VWA8: variants seen among roughly 807,000 people sequenced by gnomAD.
VWA8 encodes von Willebrand factor A domain containing 8.
In VWA8, 221 loss-of-function variants were observed where a neutral mutation model predicts 241.5. The ratio of observed to expected loss-of-function variants is 0.91; its 90% CI spans 0.82 to 1.02. The LOEUF (loss-of-function observed/expected upper bound fraction) is 1.02, where lower values mean the gene tolerates loss of function less well. Ranked by LOEUF, VWA8 falls within the 50% of genes least tolerant of loss-of-function variation. The probability of loss-of-function intolerance (pLI) is 0.00; values close to 1 mark genes in which losing one functional copy is unlikely to be tolerated. For synonymous variants in VWA8, 852 were observed against 827.1 expected, an observed-to-expected ratio of 1.03 and a Z score of -0.52; for missense variants, 2,322 against 2,328.7, an observed-to-expected ratio of 1.00 and a Z score of 0.06.
chr13:41,881,595 G>A (rs1173947542), intron 9 of VWA8, among the ~76,000 whole-genome samples: 3 of 150,454 alleles, frequency 2.0e-5, no homozygotes, highest in East Asian at 3.9e-4. Context: ...TCCCAGACGG[G>A]GTGGTGGCCA....
rs1038338883 is a variant in VWA8, at chr13:41,830,628, C to T, written c.1601G>A (p.Arg534Gln). The T allele has an allele frequency of 4.3e-6, 7 of 1,613,060 alleles. No homozygotes were observed. Among genetic ancestry groups the T allele is most frequent in the African/African-American group, 2.7e-5 (2 of 74,820 alleles). ...AGAACCATCATAGAGGCTTAGCTCTCGATCATGGATTAACCTAACAAGATA... is the reference window on the plus strand; with the variant it reads ...AGAACCATCATAGAGGCTTAGCTCTTGATCATGGATTAACCTAACAAGATA... ...LAVLQRLIHD[R>Q]ELSLYDGSRL... The change falls in exon 14 of 45, where the codon CGA becomes CAA. Residue 534 changes from arginine (R) to glutamine (Q), a missense_variant. Transcript: ENST00000379310.
chr13:41,593,148 A>G (rs1566379977), intron 40 of VWA8, among the ~76,000 whole-genome samples: 1 of 152,222 alleles, frequency 6.6e-6, no homozygotes, highest in Non-Finnish European at 1.5e-5. Flanking sequence ...AAGAAGCACC[A>G]CACAATATAA....
intron 21 of VWA8, among the ~76,000 whole-genome samples, chr13:41,739,919 A>G (rs1452001973): frequency 7.0e-6 from 1 of 143,494 alleles, no homozygotes; most frequent in Admixed American, 7.6e-5. Flanking sequence ...CAGTGGCACA[A>G]TCTCAGCTCA....
intron 1 of VWA8, 31 bp from the exon 2 acceptor site, chr13:41,950,044 A>G (rs1215257837): frequency 1.5e-6 from 2 of 1,360,454 alleles, no homozygotes; most frequent in Non-Finnish European, 2.0e-6. Flanking sequence ...CAGAATAATT[A>G]TAAGAGACAA....
chr13:41,719,897 T>C (rs2045372142), intron 25 of VWA8, among the ~76,000 whole-genome samples, 155 bp from the exon 26 acceptor site: 1 of 152,172 alleles, frequency 6.6e-6, no homozygotes, highest in Admixed American at 6.6e-5. Flanking sequence ...TAGACATTTT[T>C]CCCTTTCAGT....
chr13:41,743,931 G>A (rs1422050454), intron 21 of VWA8, among the ~76,000 whole-genome samples: 5 of 152,194 alleles, frequency 3.3e-5, no homozygotes, highest in Non-Finnish European at 5.9e-5. Context: ...CTGCAGCAGT[G>A]ACTTCTGAAA....
chr13:41,611,546 T>G, intron 39 of VWA8, 30 bp downstream of exon 39: 1 of 1,611,692 alleles, frequency 6.2e-7, no homozygotes. Context: ...ATAGCAGTAG[T>G]GCTGGTCTAA....
chr13:41,866,406 T>TGG lies in VWA8; in HGVS notation c.1213-371_1213-370insCC, dbSNP rs554328465. On this transcript the variant is annotated intron_variant, in intron 10 of 44. Transcript: ENST00000379310. ...GTGTGTGTGCGCGTGTGTGTGTGTA[T>TGG]ATGTGTGTGTGTGTGTGTAAAACAT... 1.7e-3 allele frequency among the ~76,000 whole-genome samples: 259 copies of TGG among 151,052 alleles called. 2 individuals carry two copies. The highest frequency in any genetic ancestry group is 5.8e-3 in the African/African-American group (239 of 41,238).
intron 29 of VWA8, among the ~76,000 whole-genome samples, chr13:41,697,211 C>T (rs1013712040): frequency 6.7e-6 from 1 of 148,878 alleles, no homozygotes; most frequent in Non-Finnish European, 1.5e-5. Context: ...GTTGGTTCTA[C>T]CTTCAAAATA....
chr13:41,585,594 G>A lies in VWA8; in HGVS notation c.5271+1918C>T, dbSNP rs369472294. The stretch of plus-strand genomic sequence containing the variant: ...AAAATCTCCCTATAGGGCCAGGTGC[G>A]GTGGCTTGCGCCTGTAATCCCAGCA... On this transcript the variant is annotated intron_variant, in intron 42 of 44. Transcript: ENST00000379310. Among the ~76,000 whole-genome samples the A allele has an allele frequency of 3.3e-5, 5 of 152,240 alleles. No homozygotes were observed. The East Asian group carries it at 7.7e-4, about 24-fold the overall frequency.
chr13:41,616,716 G>T (rs1945382407), intron 37 of VWA8, among the ~76,000 whole-genome samples: 1 of 152,212 alleles, frequency 6.6e-6, no homozygotes, highest in South Asian at 2.1e-4. Context: ...ATGGCTGTGA[G>T]CATGTGAAAT....
chr13:41,788,359 C>G lies in VWA8; in HGVS notation c.2064-816G>C, dbSNP rs112786510. 3.6e-3 allele frequency among the ~76,000 whole-genome samples: 554 copies of G among 152,236 alleles called. 3 individuals carry two copies. The highest frequency in any genetic ancestry group is 0.013 in the African/African-American group (526 of 41,552). On this transcript the variant is annotated intron_variant, in intron 17 of 44. Transcript: ENST00000379310. ...AATCTTTGGTGGTGATTCCTACAGT[C>G]TTGAGTATAATCTCTAATAGTGGAA...
chr13:41,765,299 C>A (rs752216043), intron 20 of VWA8, among the ~76,000 whole-genome samples: 55 of 152,268 alleles, frequency 3.6e-4, no homozygotes, highest in Middle Eastern at 3.4e-3. Flanking sequence ...GGTAGCTCAT[C>A]CCCTCCCCAG....
intron 14 of VWA8, among the ~76,000 whole-genome samples, chr13:41,830,308 T>G (rs1018894425): frequency 1.4e-5 from 2 of 142,722 alleles, no homozygotes; most frequent in Admixed American, 6.9e-5. Flanking sequence ...TTGATTAGGT[T>G]TTTTTTTTTA....
intron 2 of VWA8, among the ~76,000 whole-genome samples, chr13:41,939,838 ATTT>A (rs1228700941): frequency 3.9e-5 from 6 of 152,174 alleles, no homozygotes; most frequent in Non-Finnish European, 5.9e-5. Context: ...CAACATTGTG[ATTT>A]TTATTATTTC....
chr13:41,716,941 G>C (rs1229229152), intron 26 of VWA8, among the ~76,000 whole-genome samples: 1 of 151,794 alleles, frequency 6.6e-6, no homozygotes, highest in African/African-American at 2.4e-5. Flanking sequence ...CTAACTTTTT[G>C]GCGGTCTATG....
At position 41,685,109 on chromosome 13, in the gene VWA8, G is replaced by A. The variant is rs2045126465; in HGVS notation, c.4265C>T (p.Thr1422Met). The A allele has an allele frequency of 3.7e-6, 6 of 1,613,510 alleles. No homozygotes were observed. Among genetic ancestry groups the A allele is most frequent in the East Asian group, 2.2e-5 (1 of 44,856 alleles). ...GGGTAAAATCCTCACTACCTGATTC[G>A]TATCTAAAAGAGTCACACAATTGCT... ...KQSNCVTLLD[T>M]NQVVRILPPG... is the part of the protein sequence containing the mutation. Residue 1422 changes from threonine (T) to methionine (M), a missense_variant, in exon 35 of 45, where the codon ACG becomes ATG. Coordinates refer to ENST00000379310, the MANE Select transcript of VWA8 (RefSeq NM_015058.2).
At chr13:41,696,674 TGAGTAATGTAA>T (rs1448980562) in intron 29 of VWA8, among the ~76,000 whole-genome samples, 2 of 152,210 alleles carry the variant, frequency 1.3e-5, no homozygotes, top group African/African-American at 4.8e-5. Context: ...AAGAATAACA[TGAGTAATGTAA>T]GCAATCTCTT....
chr13:41,692,877 C>T lies in VWA8; in HGVS notation c.3660G>A (p.Trp1220Ter), dbSNP rs1566417377. The change falls in exon 30 of 45, where the codon TGG becomes TGA. Residue 1220 changes from tryptophan (W) to a stop codon, truncating the protein, a stop_gained. Transcript: ENST00000379310. LOFTEE classifies it high-confidence loss of function. Reference protein sequence around the residue: ...EKFTSKKPFWWNKEEAETYKM... With the variant: ...EKFTSKKPFW The stretch of plus-strand genomic sequence containing the variant: ...TGTTTCTTACAGCTTCTTCTTTGTT[C>T]CACCAGAAAGGTTTCTTAGATGTAA... 1 of 1,610,302 alleles carries T rather than the reference C, an allele frequency of 6.2e-7. No individual in the cohort carries two copies. The highest frequency in any genetic ancestry group is 1.3e-5 in the African/African-American group (1 of 74,736).
Sources: allele counts gnomAD v4.1 joint callset (sites outside exome capture counted in the v4.1 genomes callset), GRCh38; gene constraint gnomAD v4.1.1; transcripts MANE v1.5; gene names NCBI Gene and HGNC (gene_info 2026-07-23, HGNC 2026-07-21).